The following RALGDS variants were observed in gnomAD, a reference collection of about 807,000 sequenced individuals.
RALGDS encodes the protein ral guanine nucleotide dissociation stimulator, also known as ral guanine nucleotide exchange factor.
Under a neutral mutation model 99.8 loss-of-function variants are expected in RALGDS, and 44 were observed. The observed-to-expected ratio is 0.44, with a 90% CI of 0.35 to 0.57. RALGDS has a LOEUF of 0.57. RALGDS is among the 20% of genes least tolerant of loss of function. The pLI, the probability that RALGDS is intolerant of heterozygous loss-of-function variation, is 0.01. For synonymous variants in RALGDS, 529 were observed against 505.0 expected (o/e 1.05, Z -0.64); for missense variants, 1,022 against 1,203.1 (o/e 0.85, Z 2.23).
chr9:133,123,235 C>T (rs1036934905), upstream of RALGDS, among the ~76,000 whole-genome samples: 17 of 152,260 alleles, frequency 1.1e-4, no homozygotes, highest in African/African-American at 3.4e-4. Context: ...CCAATGCCTC[C>T]GGAAACTGAA....
At chr9:133,114,242 C>T (rs555981626) in intron 1 of RALGDS, among the ~76,000 whole-genome samples, 174 of 152,278 alleles carry the variant, frequency 1.1e-3, no homozygotes, top group Non-Finnish European at 1.8e-3. Flanking sequence ...GTCACACAGT[C>T]GGGGAGACGC....
intron 11 of RALGDS, 125 bp downstream of exon 11, chr9:133,103,622 G>A: frequency 2.0e-6 from 2 of 1,007,384 alleles, no homozygotes; most frequent in Non-Finnish European, 3.2e-6. Flanking sequence ...GGCAGCCCTG[G>A]GGTGTCACCA....
At position 133,102,782 on chromosome 9, in the gene RALGDS, T is replaced by C; in HGVS notation, c.1910A>G (p.Glu637Gly). The change falls in exon 13 of 18, where the codon GAG (glutamate) becomes GGG (glycine). Residue 637 changes from glutamate (E) to glycine (G), a missense_variant. Transcript: ENST00000372050. The stretch of plus-strand genomic sequence containing the variant: ...CCATTTGCTGCCCCGGCCTCACCTC[T>C]CAGTCTCGCTGAGCCGCTCCACGGC... ...FRAVERLSET[E>G]SYNLSCELEP... 3 of 1,612,056 alleles carry C rather than the reference T, an allele frequency of 1.9e-6. No individual in the cohort carries two copies. The highest frequency in any genetic ancestry group is 2.5e-6 in the Non-Finnish European group (3 of 1,179,794).
At chr9:133,114,583 G>A (rs1831504066) in intron 1 of RALGDS, among the ~76,000 whole-genome samples, 1 of 152,222 alleles carries the variant, frequency 6.6e-6, no homozygotes, top group African/African-American at 2.4e-5. Flanking sequence ...AGCCCATCTG[G>A]GCAGCGCCTG....
rs373844230 is a variant in RALGDS, at chr9:133,098,541, C to T, written c.*46G>A. ...CCCAGCTGGCCTGGGCCACTCTGGT[C>T]CATAAGTGCTTGGCTACCAGCCAGC... On this transcript the variant is annotated 3_prime_UTR_variant, in exon 18 of 18. Coordinates refer to ENST00000372050, the MANE Select transcript of RALGDS (RefSeq NM_006266.4). 2.3e-5 allele frequency: 37 copies of T among 1,608,284 alleles called. No individual in the cohort carries two copies. The South Asian group carries it at 2.4e-4, about 11-fold the overall frequency.
intron 1 of RALGDS, among the ~76,000 whole-genome samples, chr9:133,126,294 C>A (rs938569542): frequency 6.6e-6 from 1 of 152,072 alleles, no homozygotes; most frequent in African/African-American, 2.4e-5. Context: ...CACGGCTGCA[C>A]AGACCTTTCG....
upstream of RALGDS, among the ~76,000 whole-genome samples, chr9:133,121,684 C>A (rs1432917960): frequency 1.3e-5 from 2 of 152,226 alleles, no homozygotes; most frequent in Non-Finnish European, 2.9e-5. Flanking sequence ...TTGCTTAACC[C>A]CTCTGAGCCT....
chr9:133,108,577 CCT>C lies in RALGDS; in HGVS notation c.778+94_778+95del, dbSNP rs35252353. On this transcript the variant is annotated intron_variant, in intron 5 of 17. Transcript: ENST00000372050. The stretch of plus-strand genomic sequence containing the variant: ...GTGTGGTCTGAGGCTCATCTGGGCC[CCT>C]GACCCAGCACCAGACCCTGGAGCCT... 2,939 of 1,503,028 alleles carry C rather than the reference CCT, an allele frequency of 2.0e-3. 58 individuals are homozygous for C. In the African/African-American group the frequency reaches 0.035, roughly 18 times the overall value. The allele number at this position is 1,503,028 out of a possible 1,614,324, so 93.1% of individuals were successfully genotyped here.
chr9:133,125,895 G>C (rs2119234551), upstream of RALGDS, among the ~76,000 whole-genome samples: 1 of 152,282 alleles, frequency 6.6e-6, no homozygotes, highest in Admixed American at 6.5e-5. Flanking sequence ...AGGGGTCACT[G>C]ATGGCATCTT....
chr9:133,110,605 T>G, intron 2 of RALGDS, 116 bp from the exon 3 acceptor site: 21 of 885,870 alleles, frequency 2.4e-5, no homozygotes, highest in Non-Finnish European at 3.3e-5. Flanking sequence ...TGAGTATCTC[T>G]AGCAGAAAAA....
exon 1 of RALGDS, chr9:133,131,109 C>A: frequency 6.9e-7 from 1 of 1,452,650 alleles, no homozygotes; most frequent in Non-Finnish European, 9.0e-7. Flanking sequence ...GGCTTCCCGC[C>A]CAGACACTGC....
At chr9:133,111,184 A>C (rs532091525) in intron 2 of RALGDS, among the ~76,000 whole-genome samples, 1 of 151,976 alleles carries the variant, frequency 6.6e-6, no homozygotes, top group East Asian at 1.9e-4. Context: ...GAAGAGCGTC[A>C]TCTGAGAGCT....
chr9:133,112,146 T>G lies in RALGDS; in HGVS notation c.190A>C (p.Thr64Pro). The G allele has an allele frequency of 6.4e-7, 1 of 1,559,798 alleles. No homozygotes were observed. Among genetic ancestry groups the G allele is most frequent in the Non-Finnish European group, 8.7e-7 (1 of 1,151,256 alleles). The change falls in exon 2 of 18, where the codon ACG (threonine) becomes CCG (proline). Residue 64 changes from threonine (T) to proline (P), a missense_variant. Physicochemically the swap from Thr to Pro is conservative, Grantham distance 38. Transcript: ENST00000372050. ...ATCAGCTCCTCACCGATCTCCTGCG[T>G]GGAGCTCTGTGAAGACAACGCCCGG... ...DPDLPRPESS[T>P]QEIGEELING...
chr9:133,104,510 C>A (rs372245812), intron 9 of RALGDS, 179 bp from the exon 10 acceptor site: 1 of 626,558 alleles, frequency 1.6e-6, no homozygotes, highest in Non-Finnish European at 2.9e-6. Flanking sequence ...CTGGAAAGTG[C>A]GGATGAGAAC....
At chr9:133,147,452 C>T (rs28712531) in intron 1 of RALGDS, among the ~76,000 whole-genome samples, 1,719 of 152,336 alleles carry the variant, frequency 0.011, 30 homozygotes, top group African/African-American at 0.039. Context: ...TTCAGAGCCA[C>T]ACCCAAGCCC....
chr9:133,120,098 G>C (rs1831844270), intron 1 of RALGDS, among the ~76,000 whole-genome samples: 1 of 152,202 alleles, frequency 6.6e-6, no homozygotes. Context: ...CCCAGGCAGA[G>C]CAGGGCGAGG....
intron 1 of RALGDS, among the ~76,000 whole-genome samples, chr9:133,148,269 C>T (rs1832658350): frequency 6.6e-6 from 1 of 152,222 alleles, no homozygotes; most frequent in Non-Finnish European, 1.5e-5. Flanking sequence ...CTGAAGGGGT[C>T]TTTTCCTGCT....
intron 17 of RALGDS, chr9:133,100,048 T>C (rs1174810381): frequency 1.6e-6 from 1 of 615,322 alleles, no homozygotes; most frequent in Non-Finnish European, 2.9e-6. Flanking sequence ...GATGTGAGCT[T>C]TGAACTGCCT....
Position 133,102,760 on chromosome 9 carries a change from TTTGCTGCCCCGGCCTCAC to T in RALGDS, c.1913+1_1913+18del. ...GGACAGCCTGCCCCCACTGTCCCCA[TTTGCTGCCCCGGCCTCAC>T]CTCTCAGTCTCGCTGAGCCGCTCCA... On this transcript the variant is annotated splice_donor_variant and splice_donor_5th_base_variant and intron_variant, in intron 13 of 17. Coordinates refer to ENST00000372050, the MANE Select transcript of RALGDS (RefSeq NM_006266.4). LOFTEE classifies it high-confidence loss of function. The T allele has an allele frequency of 6.2e-7, 1 of 1,609,280 alleles. No individual in the cohort carries two copies. The highest frequency in any genetic ancestry group is 2.2e-5 in the East Asian group (1 of 44,792).
Sources: allele counts gnomAD v4.1 joint callset (sites outside exome capture counted in the v4.1 genomes callset), GRCh38; gene constraint gnomAD v4.1.1; transcripts MANE v1.5; gene names NCBI Gene and HGNC (gene_info 2026-07-23, HGNC 2026-07-21).